The following EXT2 variants were observed in gnomAD, a reference collection of about 807,000 sequenced individuals.
EXT2 encodes exostosin glycosyltransferase 2, also known as exostosin-2.
In EXT2, 53 loss-of-function variants were observed where a neutral mutation model predicts 81.6. That is an observed-to-expected ratio of 0.65 (90% CI 0.52 to 0.82). The LOEUF is 0.82. Among genes scored for constraint, EXT2 ranks in the 40% least tolerant of loss-of-function variants. The pLI, the probability that EXT2 is intolerant of heterozygous loss-of-function variation, is 0.00. For missense variants in EXT2, 774 were observed against 910.2 expected (o/e 0.85, Z 1.93); for synonymous variants, 320 against 340.0 (o/e 0.94, Z 0.65).
chr11:44,145,278 C>T (rs147284507), intron 7 of EXT2, among the ~76,000 whole-genome samples: 1 of 152,136 alleles, frequency 6.6e-6, no homozygotes. Context: ...GCCTCTTTTA[C>T]TCATGATGCC....
At chr11:44,200,136 G>A (rs1285121500) in intron 9 of EXT2, among the ~76,000 whole-genome samples, 1 of 149,272 alleles carries the variant, frequency 6.7e-6, no homozygotes, top group Non-Finnish European at 1.5e-5. Flanking sequence ...TACAGCATTA[G>A]TAACATATAT....
At position 44,130,043 on chromosome 11, in the gene EXT2, A is replaced by G. The variant is rs558968332; in HGVS notation, c.1080-2A>G. On this transcript the variant is annotated splice_acceptor_variant, in intron 6 of 13. Transcript: ENST00000533608. LOFTEE classifies it high-confidence loss of function. ...TGTAAACTGTTTTGCTGTTGTCTCC[A>G]GAGCATCTGTGGTTGTACCAGAAGA... The G allele has an allele frequency of 1.2e-6, 2 of 1,613,510 alleles. No homozygotes were observed. The highest frequency in any genetic ancestry group is 1.7e-6 in the Non-Finnish European group (2 of 1,179,382).
chr11:44,214,176 C>G (rs2135222145), intron 10 of EXT2, among the ~76,000 whole-genome samples: 1 of 152,158 alleles, frequency 6.6e-6, no homozygotes, highest in Admixed American at 6.5e-5. Flanking sequence ...TGCAGTGGCG[C>G]AATCTCGGCT....
chr11:44,238,506 G>C (rs191003977), intron 13 of EXT2, among the ~76,000 whole-genome samples: 77 of 152,308 alleles, frequency 5.1e-4, no homozygotes, highest in Admixed American at 1.8e-3. Flanking sequence ...GTTAGGAGGA[G>C]ATGCTGATGG....
At position 44,186,346 on chromosome 11, in the gene EXT2, A is replaced by G. The variant is rs1179459643; in HGVS notation, c.1306-11483A>G. Among the ~76,000 whole-genome samples the G allele has an allele frequency of 7.9e-5, 12 of 152,332 alleles. No individual in the cohort carries two copies. The East Asian group carries it at 2.3e-3, about 29-fold the overall frequency. The stretch of plus-strand genomic sequence containing the variant: ...GGAACCCTCTCTTCCCTCATTCCAA[A>G]TTCTTTTAATATGGCTTATGTTGAA... On this transcript the variant is annotated intron_variant, in intron 8 of 13. Transcript: ENST00000533608.
intron 1 of EXT2, among the ~76,000 whole-genome samples, chr11:44,102,034 G>C (rs1953991354): frequency 6.6e-6 from 1 of 151,482 alleles, no homozygotes; most frequent in African/African-American, 2.4e-5. Flanking sequence ...CTCTCCCCTT[G>C]TGTTCAGACA....
intron 7 of EXT2, among the ~76,000 whole-genome samples, chr11:44,143,022 G>A (rs899480264): frequency 6.6e-6 from 1 of 152,206 alleles, no homozygotes; most frequent in Non-Finnish European, 1.5e-5. Context: ...CGCAATCTGG[G>A]CTCACTGCAA....
chr11:44,196,367 T>G (rs1026792372), intron 8 of EXT2, among the ~76,000 whole-genome samples: 1 of 152,172 alleles, frequency 6.6e-6, no homozygotes, highest in South Asian at 2.1e-4. Flanking sequence ...AATCTGAAAA[T>G]TCATGCCTCT....
At chr11:44,134,276 T>G (rs976893791) in intron 7 of EXT2, among the ~76,000 whole-genome samples, 1 of 152,190 alleles carries the variant, frequency 6.6e-6, no homozygotes, top group Non-Finnish European at 1.5e-5. Flanking sequence ...ATCCCTAATG[T>G]TTTTTGGTGG....
chr11:44,144,379 T>A, intron 7 of EXT2: 19 of 1,463,386 alleles, frequency 1.3e-5, no homozygotes, highest in East Asian at 2.3e-5. Flanking sequence ...CAGAAATGAA[T>A]CTCTAGTCTC....
chr11:44,236,601 A>C (rs1344364498), intron 13 of EXT2, among the ~76,000 whole-genome samples: 1 of 152,236 alleles, frequency 6.6e-6, no homozygotes, highest in Non-Finnish European at 1.5e-5. Context: ...TTAAAAATAT[A>C]GTGGGCCTTA....
chr11:44,168,773 A>G (rs892867867), intron 7 of EXT2, among the ~76,000 whole-genome samples: 1 of 152,236 alleles, frequency 6.6e-6, no homozygotes, highest in Non-Finnish European at 1.5e-5. Context: ...GGGTAAAAAG[A>G]AGCTTTCAAA....
intron 8 of EXT2, among the ~76,000 whole-genome samples, chr11:44,195,977 A>T (rs1046313234): frequency 1.3e-5 from 2 of 152,234 alleles, no homozygotes; most frequent in African/African-American, 4.8e-5. Flanking sequence ...AAGTGGGTAG[A>T]TTGTATGGTA....
chr11:44,107,645 A>T, intron 1 of EXT2, 38 bp from the exon 2 acceptor site: 3 of 1,575,564 alleles, frequency 1.9e-6, no homozygotes, highest in Non-Finnish European at 1.7e-6. Context: ...TGCCATCCTA[A>T]ATACTTGGTT....
intron 12 of EXT2, among the ~76,000 whole-genome samples, chr11:44,235,507 A>G (rs180944397): frequency 6.6e-6 from 1 of 151,948 alleles, no homozygotes; most frequent in Non-Finnish European, 1.5e-5. Context: ...CGGCCTCCCA[A>G]AGTGCTAAGA....
chr11:44,109,545 C>G lies in EXT2; in HGVS notation c.626+262C>G, dbSNP rs76685253. Among the ~76,000 whole-genome samples the G allele has an allele frequency of 0.011, 1,719 of 152,302 alleles. 35 individuals carry two copies. Among genetic ancestry groups the G allele is most frequent in the African/African-American group, 0.039 (1,626 of 41,556 alleles). ...ACTTCTGAGTGTAACACATCCAGCC[C>G]CCAAAAGTGTGACAGGCTTGTGCTA... is the stretch of plus-strand genomic sequence containing the variant. On this transcript the variant is annotated intron_variant, in intron 3 of 13. Coordinates refer to ENST00000533608, the MANE Select transcript of EXT2 (RefSeq NM_207122.2).
At chr11:44,189,750 A>G (rs1195581890) in intron 8 of EXT2, among the ~76,000 whole-genome samples, 1 of 152,238 alleles carries the variant, frequency 6.6e-6, no homozygotes, top group Admixed American at 6.5e-5. Context: ...TCCAAACCAT[A>G]TCAGTTATTA....
At chr11:44,134,314 A>T (rs1424205659) in intron 7 of EXT2, among the ~76,000 whole-genome samples, 1 of 151,970 alleles carries the variant, frequency 6.6e-6, no homozygotes, top group Non-Finnish European at 1.5e-5. Context: ...GATAATAAAA[A>T]AAATCTTTGA....
chr11:44,097,774 AAATAAAT>A (rs1384304554), intron 1 of EXT2, among the ~76,000 whole-genome samples: 16 of 71,002 alleles, frequency 2.3e-4, no homozygotes, highest in African/African-American at 7.3e-4. Flanking sequence ...ATAAATAAAT[AAATAAAT>A]AAATAAATAA....
Sources: gnomAD v4.1 joint callset for allele counts (sites outside exome capture counted in the v4.1 genomes callset) on GRCh38, gnomAD v4.1.1 for gene constraint, MANE v1.5 for transcripts, NCBI Gene and HGNC (gene_info 2026-07-23, HGNC 2026-07-21) for gene names.